CCDC170: variants seen among roughly 807,000 people sequenced by gnomAD.
The protein encoded by CCDC170 is coiled-coil domain containing 170.
In CCDC170, 69 loss-of-function variants were observed where a neutral mutation model predicts 72.6. That is an observed-to-expected ratio of 0.95 (90% CI 0.78 to 1.16). The LOEUF is 1.16. Ranked by LOEUF, CCDC170 falls within the 50% of genes most tolerant of loss-of-function variation. The pLI is 0.00. For synonymous variants in CCDC170, 300 were observed against 303.9 expected (o/e 0.99, Z 0.13); for missense variants, 852 against 832.5 (o/e 1.02, Z -0.29).
At chr6:151,509,995 C>T (rs140851666) in intron 1 of CCDC170, among the ~76,000 whole-genome samples, 16 of 152,190 alleles carry the variant, frequency 1.1e-4, no homozygotes, top group East Asian at 9.7e-4. Flanking sequence ...TGGTGGTGCG[C>T]GCCTGTAATC....
intron 1 of CCDC170, among the ~76,000 whole-genome samples, chr6:151,517,715 T>C (rs1474676334): frequency 6.6e-6 from 1 of 152,086 alleles, no homozygotes; most frequent in Non-Finnish European, 1.5e-5. Flanking sequence ...GTGCTGGGAT[T>C]ACAGGCGTGA....
In CCDC170 at chr6:151,538,993, G is replaced by A. The variant is rs560245417; in HGVS notation, c.443+692G>A. Among the ~76,000 whole-genome samples the A allele has an allele frequency of 5.3e-5, 8 of 152,192 alleles. No homozygotes were observed. In the East Asian group the frequency reaches 1.2e-3, roughly 22 times the overall value. The stretch of plus-strand genomic sequence containing the variant: ...CATTGTATGTATGGCCGGGCATGGC[G>A]GCTCACACCTGTAATCCCAGCACTT... On this transcript the variant is annotated intron_variant, in intron 3 of 10. Transcript: ENST00000239374.
At chr6:151,541,238 T>TGGAA (rs1782685706) in intron 3 of CCDC170, among the ~76,000 whole-genome samples, 1 of 152,190 alleles carries the variant, frequency 6.6e-6, no homozygotes, top group Non-Finnish European at 1.5e-5. Context: ...TATCTAAAAA[T>TGGAA]TTACTCCTCT....
At chr6:151,535,892 A>G (rs1267876995) in intron 1 of CCDC170, among the ~76,000 whole-genome samples, 1 of 152,076 alleles carries the variant, frequency 6.6e-6, no homozygotes, top group African/African-American at 2.4e-5. Flanking sequence ...ACTACAGGTC[A>G]TGACACCCTG....
At chr6:151,607,733 G>T (rs1382712596) in intron 9 of CCDC170, among the ~76,000 whole-genome samples, 3 of 151,952 alleles carry the variant, frequency 2.0e-5, no homozygotes, top group Non-Finnish European at 4.4e-5. Context: ...ACTTATATGT[G>T]ACTTTATGCT....
chr6:151,548,623 C>A, intron 5 of CCDC170, 134 bp downstream of exon 5: 1 of 714,336 alleles, frequency 1.4e-6, no homozygotes, highest in Non-Finnish European at 2.1e-6. Flanking sequence ...TAAGAGCCTG[C>A]ACTCAGCAGG....
rs1562293814 is a variant in CCDC170, at chr6:151,593,235, T to C, written c.1422T>C (p.Asn474=). The part of the protein sequence containing the change: ...RTEQLVRLES[N]AVIENKTIAH... ...AGCAGCTGGTTCGTCTTGAGAGCAA[T>C]GCAGTCATTGAGAACAAGACCATTG... The change falls in exon 8 of 11, where the codon AAT becomes AAC. Residue 474 remains asparagine (N), a synonymous_variant. Transcript: ENST00000239374. The C allele has an allele frequency of 6.2e-7, 1 of 1,614,064 alleles. No homozygotes were observed. Among genetic ancestry groups the C allele is most frequent in the African/African-American group, 1.3e-5 (1 of 74,938 alleles).
At chr6:151,581,176 CT>C (rs1249195832) in intron 6 of CCDC170, among the ~76,000 whole-genome samples, 1 of 151,946 alleles carries the variant, frequency 6.6e-6, no homozygotes, top group Admixed American at 6.6e-5. Flanking sequence ...ACAATTGACT[CT>C]TTTTTTTCTC....
At chr6:151,607,549 T>C (rs977886897) in intron 9 of CCDC170, among the ~76,000 whole-genome samples, 2 of 152,198 alleles carry the variant, frequency 1.3e-5, no homozygotes, top group Non-Finnish European at 2.9e-5. Context: ...TTCTTGCGCT[T>C]GTCTAAGGGT....
At chr6:151,553,161 A>G (rs937555415) in intron 5 of CCDC170, among the ~76,000 whole-genome samples, 3 of 152,200 alleles carry the variant, frequency 2.0e-5, no homozygotes, top group African/African-American at 7.2e-5. Flanking sequence ...TTGATGATTT[A>G]TAAATGCTCA....
At chr6:151,617,453 T>C (rs1427306190) in intron 10 of CCDC170, among the ~76,000 whole-genome samples, 1 of 77,256 alleles carries the variant, frequency 1.3e-5, no homozygotes, top group Non-Finnish European at 2.4e-5. Flanking sequence ...TTTTTTTTTT[T>C]AGTGTAAGAG....
chr6:151,530,134 TC>T (rs1384941961), intron 1 of CCDC170, among the ~76,000 whole-genome samples: 1 of 152,178 alleles, frequency 6.6e-6, no homozygotes, highest in East Asian at 1.9e-4. Context: ...ATATTAACAT[TC>T]TTTTATTTTT....
intron 5 of CCDC170, among the ~76,000 whole-genome samples, chr6:151,551,008 A>G (rs1361672797): frequency 6.6e-6 from 1 of 152,198 alleles, no homozygotes; most frequent in African/African-American, 2.4e-5. Context: ...GGTTTTTGCA[A>G]TTACTTTTAA....
intron 5 of CCDC170, among the ~76,000 whole-genome samples, chr6:151,560,302 A>G (rs963710305): frequency 1.3e-5 from 2 of 152,072 alleles, no homozygotes; most frequent in Non-Finnish European, 2.9e-5. Context: ...TTCTAATTTT[A>G]TTCCACTGTG....
chr6:151,613,284 TC>T (rs1776903401), intron 9 of CCDC170, among the ~76,000 whole-genome samples: 1 of 152,074 alleles, frequency 6.6e-6, no homozygotes, highest in South Asian at 2.1e-4. Context: ...ACACCTGTAA[TC>T]CCAGCTACTG....
intron 5 of CCDC170, among the ~76,000 whole-genome samples, chr6:151,568,547 C>T (rs1474335111): frequency 6.6e-6 from 1 of 152,218 alleles, no homozygotes; most frequent in Non-Finnish European, 1.5e-5. Flanking sequence ...TCTATCACAT[C>T]TTCCTTTCAT....
intron 1 of CCDC170, among the ~76,000 whole-genome samples, chr6:151,514,785 C>G (rs536683460): frequency 6.6e-5 from 10 of 152,104 alleles, no homozygotes; most frequent in Non-Finnish European, 1.5e-4. Context: ...TAGGTCGGCA[C>G]AAAGTGAGTC....
chr6:151,603,054 G>A (rs775986316), intron 9 of CCDC170, among the ~76,000 whole-genome samples: 16 of 152,106 alleles, frequency 1.1e-4, no homozygotes, highest in Non-Finnish European at 1.9e-4. Flanking sequence ...ACCCTCCTCG[G>A]CCTCCTAAAG....
intron 6 of CCDC170, among the ~76,000 whole-genome samples, chr6:151,574,367 T>C (rs1312655618): frequency 6.6e-6 from 1 of 152,232 alleles, no homozygotes. Flanking sequence ...TCACTGTCCA[T>C]GTGAGCTTGG....
Sources: allele counts gnomAD v4.1 joint callset (sites outside exome capture counted in the v4.1 genomes callset), GRCh38; gene constraint gnomAD v4.1.1; transcripts MANE v1.5; gene names NCBI Gene and HGNC (gene_info 2026-07-23, HGNC 2026-07-21).